CFAP97: variants seen among roughly 807,000 people sequenced by gnomAD.
CFAP97 encodes the protein cilia and flagella associated protein 97.
Under a neutral mutation model 43.1 loss-of-function variants are expected in CFAP97, and 36 were observed. That is an observed-to-expected ratio of 0.84 (90% CI 0.64 to 1.10). CFAP97 has a LOEUF of 1.10. Among genes scored for constraint, CFAP97 ranks in the 50% least tolerant of loss-of-function variants. The pLI is 0.00. For synonymous variants in CFAP97, 228 were observed against 225.7 expected, an observed-to-expected ratio of 1.01 and a Z score of -0.09; for missense variants, 657 against 620.3, an observed-to-expected ratio of 1.06 and a Z score of -0.63.
In CFAP97 at chr4:185,162,716, A is replaced by G; in HGVS notation, c.*82T>C. The G allele has an allele frequency of 7.1e-7, 1 of 1,414,014 alleles. No individual in the cohort carries two copies. The highest frequency in any genetic ancestry group is 2.0e-5 in the Admixed American group (1 of 51,144). The allele number at this position is 1,414,014 out of a possible 1,614,324, so 87.6% of individuals were successfully genotyped here. A position where few individuals can be genotyped will look rare whatever the true frequency, so the allele number is the denominator to read the frequency against. On this transcript the variant is annotated 3_prime_UTR_variant, in exon 5 of 5. Coordinates refer to ENST00000458385, the MANE Select transcript of CFAP97 (RefSeq NM_020827.3). ...TTCAATTGCTAAAACGGTATTCTAG[A>G]TGTTTACACAGAGAATTATAGGAAT...
intron 1 of CFAP97, among the ~76,000 whole-genome samples, chr4:185,202,477 A>T (rs1469565365): frequency 6.6e-6 from 1 of 151,786 alleles, no homozygotes; most frequent in African/African-American, 2.4e-5. Context: ...GGAACCTGGG[A>T]GCTGAGGCTG....
intron 3 of CFAP97, chr4:185,170,003 G>T: frequency 9.0e-7 from 1 of 1,106,806 alleles, no homozygotes; most frequent in Non-Finnish European, 1.1e-6. Flanking sequence ...AATCATTTTT[G>T]TGACAATTTA....
chr4:185,192,733 CTTTTT>C (rs760026667), intron 1 of CFAP97, among the ~76,000 whole-genome samples: 5 of 81,410 alleles, frequency 6.1e-5, no homozygotes, highest in East Asian at 3.5e-4. Context: ...AATTGACCTT[CTTTTT>C]TTTTTTTTTT....
At position 185,190,366 on chromosome 4, in the gene CFAP97, T is replaced by C; in HGVS notation, c.831A>G (p.Gln277=). The change falls in exon 2 of 5, where the codon CAA becomes CAG. Residue 277 remains glutamine (Q), a synonymous_variant. Transcript: ENST00000458385. ...TTTCTTGCTTTTTAATTTTCACTTT[T>C]TGATCATTTGCTATGCCCAGTTCAA... is the stretch of plus-strand genomic sequence containing the variant. The part of the protein sequence containing the change: ...QSFELGIAND[Q]KVKIKKQENV... The C allele has an allele frequency of 6.2e-7, 1 of 1,608,296 alleles. No individual in the cohort carries two copies. The highest frequency in any genetic ancestry group is 8.5e-7 in the Non-Finnish European group (1 of 1,176,634).
In CFAP97 at chr4:185,191,202, C is replaced by T; in HGVS notation, c.-6G>A. ...ATATCTCCAAACTGATCCATGATGGCAAAAATATATCTGAAAAAAAAATGT... is the reference window on the plus strand; with the variant it reads ...ATATCTCCAAACTGATCCATGATGGTAAAAATATATCTGAAAAAAAAATGT... On this transcript the variant is annotated 5_prime_UTR_variant, in exon 2 of 5. Transcript: ENST00000458385. 1 of 1,477,162 alleles carries T rather than the reference C, an allele frequency of 6.8e-7. No individual in the cohort carries two copies. The highest frequency in any genetic ancestry group is 8.9e-7 in the Non-Finnish European group (1 of 1,119,740). The allele number at this position is 1,477,162 out of a possible 1,614,324, so 91.5% of individuals were successfully genotyped here. A position where few individuals can be genotyped will look rare whatever the true frequency, so the allele number is the denominator to read the frequency against.
intron 2 of CFAP97, 40 bp downstream of exon 2, chr4:185,190,103 A>G (rs769813500): frequency 1.4e-5 from 20 of 1,431,818 alleles, no homozygotes; most frequent in Middle Eastern, 3.7e-4. Flanking sequence ...CCCAATATAT[A>G]ATATTTAAAC....
At chr4:185,203,108 G>T (rs528317038) in intron 1 of CFAP97, among the ~76,000 whole-genome samples, 1 of 152,216 alleles carries the variant, frequency 6.6e-6, no homozygotes, top group Non-Finnish European at 1.5e-5. Context: ...GCCAAGACAG[G>T]AGGATCGCTT....
At chr4:185,179,307 T>C (rs1439087525) in intron 2 of CFAP97, among the ~76,000 whole-genome samples, 2 of 152,152 alleles carry the variant, frequency 1.3e-5, no homozygotes, top group African/African-American at 4.8e-5. Flanking sequence ...TTTTAAGATA[T>C]AAAATCTTTA....
chr4:185,164,259 C>T lies in CFAP97; in HGVS notation c.1321-80G>A, dbSNP rs1734984802. ...CAAGGCAATACATTCTAGAGCCTGA[C>T]ATTCACTTTCTTTCTTTTTTTTTTT... is the stretch of plus-strand genomic sequence containing the variant. On this transcript the variant is annotated intron_variant, in intron 3 of 4. Transcript: ENST00000458385. 3 of 1,276,902 alleles carry T rather than the reference C, an allele frequency of 2.3e-6. No individual in the cohort carries two copies. The East Asian group carries it at 7.5e-5, about 32-fold the overall frequency. 79.1% of individuals were successfully genotyped at this position (1,276,902 alleles called of 1,614,324 possible).
At chr4:185,163,734 C>T (rs1560852442) in intron 4 of CFAP97, among the ~76,000 whole-genome samples, 1 of 152,136 alleles carries the variant, frequency 6.6e-6, no homozygotes, top group Admixed American at 6.5e-5. Context: ...AAACAGCACA[C>T]CTATGTATTT....
intron 2 of CFAP97, among the ~76,000 whole-genome samples, chr4:185,184,381 G>C (rs1379409385): frequency 6.6e-6 from 1 of 152,160 alleles, no homozygotes; most frequent in Non-Finnish European, 1.5e-5. Context: ...CCCTACCAAC[G>C]ACTGGTTCGG....
intron 2 of CFAP97, among the ~76,000 whole-genome samples, chr4:185,188,130 C>T (rs1378892479): frequency 2.0e-5 from 3 of 151,908 alleles, no homozygotes; most frequent in Non-Finnish European, 2.9e-5. Context: ...CTCTTGAGCT[C>T]GTGATCCGCC....
chr4:185,163,947 T>C, intron 4 of CFAP97, 82 bp downstream of exon 4: 1 of 1,303,506 alleles, frequency 7.7e-7, no homozygotes, highest in Non-Finnish European at 1.1e-6. Flanking sequence ...CATTTAAAAC[T>C]CTATCATAAT....
chr4:185,188,817 G>C (rs533475364), intron 2 of CFAP97, among the ~76,000 whole-genome samples: 1 of 152,192 alleles, frequency 6.6e-6, no homozygotes, highest in Admixed American at 6.5e-5. Context: ...CATTTATTAG[G>C]AAAGATTTAT....
chr4:185,163,024 G>T, intron 4 of CFAP97, 99 bp from the exon 5 acceptor site: 2 of 1,069,434 alleles, frequency 1.9e-6, no homozygotes, highest in Non-Finnish European at 2.5e-6. Context: ...ATAGTCTAAT[G>T]CTATGATTCT....
chr4:185,183,202 G>C (rs1735871647), intron 2 of CFAP97, among the ~76,000 whole-genome samples: 1 of 152,054 alleles, frequency 6.6e-6, no homozygotes, highest in South Asian at 2.1e-4. Context: ...CTGTTAACTT[G>C]CAAAATTTTT....
chr4:185,209,927 G>A (rs1028460814), upstream of CFAP97: 7 of 983,148 alleles, frequency 7.1e-6, no homozygotes, highest in African/African-American at 1.8e-5. The surrounding 1 kb of genome is among the most constrained non-coding windows in gnomAD (Gnocchi z 5.2). Context: ...GGCGAGCGGC[G>A]GCCGGAGTCC....
intron 3 of CFAP97, chr4:185,168,927 A>C (rs1560855372): frequency 6.6e-6 from 1 of 151,968 alleles, no homozygotes; most frequent in Non-Finnish European, 1.5e-5. Context: ...AAAAAAAAAA[A>C]GGTGCAATTT....
intron 3 of CFAP97, among the ~76,000 whole-genome samples, chr4:185,172,853 A>C (rs774784731): frequency 6.8e-6 from 1 of 146,376 alleles, no homozygotes; most frequent in African/African-American, 2.6e-5. Context: ...ATCTCTACAA[A>C]AAAAAAAAAA....
Sources: gnomAD v4.1 joint callset for allele counts (sites outside exome capture counted in the v4.1 genomes callset) on GRCh38, gnomAD v4.1.1 for gene constraint, Gnocchi (gnomAD v3.1) non-coding constraint, MANE v1.5 for transcripts, NCBI Gene and HGNC (gene_info 2026-07-23, HGNC 2026-07-21) for gene names.